DNER: variants seen among roughly 807,000 people sequenced by gnomAD.
DNER encodes delta/notch like EGF repeat containing, also known as delta and Notch-like epidermal growth factor-related receptor.
A neutral mutation model predicts 78.2 loss-of-function variants in DNER; 33 were observed. The ratio of observed to expected loss-of-function variants is 0.42; its 90% CI spans 0.32 to 0.56. The LOEUF (loss-of-function observed/expected upper bound fraction) is 0.56, where lower values mean the gene tolerates loss of function less well. Among genes scored for constraint, DNER ranks in the 20% least tolerant of loss-of-function variants. The pLI is 0.11. For missense variants in DNER, 918 were observed against 975.3 expected (o/e 0.94, Z 0.78); for synonymous variants, 417 against 384.8 (o/e 1.08, Z -0.98).
At chr2:229,513,021 C>T in intron 5 of DNER, 85 bp from the exon 6 acceptor site, 2 of 1,416,418 alleles carry the variant, frequency 1.4e-6, no homozygotes, top group South Asian at 2.8e-5. Flanking sequence ...TTTGAAAGAA[C>T]CACTTCCTTT....
At chr2:229,533,937 G>A (rs1046097771) in intron 5 of DNER, among the ~76,000 whole-genome samples, 1 of 152,220 alleles carries the variant, frequency 6.6e-6, no homozygotes, top group Non-Finnish European at 1.5e-5. Flanking sequence ...GACCAGAAGT[G>A]ACTTTTTTGA....
intron 5 of DNER, among the ~76,000 whole-genome samples, chr2:229,540,715 A>T (rs977964665): frequency 4.6e-5 from 7 of 152,196 alleles, no homozygotes; most frequent in Non-Finnish European, 1.0e-4. Context: ...ATGTCACAGA[A>T]GTCAGGACTC....
At chr2:229,532,219 G>A (rs186193279) in intron 5 of DNER, among the ~76,000 whole-genome samples, 10 of 152,002 alleles carry the variant, frequency 6.6e-5, no homozygotes, top group African/African-American at 1.4e-4. Context: ...GACATCACTC[G>A]CTCAGAAAAG....
intron 10 of DNER, 22 bp downstream of exon 10, chr2:229,407,210 C>G: frequency 6.3e-7 from 1 of 1,587,606 alleles, no homozygotes; most frequent in Non-Finnish European, 8.6e-7. Context: ...AATTTGAAAA[C>G]TCAGTCCCTG....
At chr2:229,604,638 T>G (rs1020749466) in intron 1 of DNER, among the ~76,000 whole-genome samples, 1 of 152,304 alleles carries the variant, frequency 6.6e-6, no homozygotes, top group South Asian at 2.1e-4. Context: ...TTGATGTGTG[T>G]TTTTCTCTCT....
chr2:229,540,985 G>A (rs111505158), intron 5 of DNER, among the ~76,000 whole-genome samples: 1 of 152,218 alleles, frequency 6.6e-6, no homozygotes, highest in African/African-American at 2.4e-5. Flanking sequence ...GAAAACTATG[G>A]GATTGTTATT....
At position 229,714,427 on chromosome 2, in the gene DNER, C is replaced by T; in HGVS notation, c.-4G>A. 1.8e-6 allele frequency: 2 copies of T among 1,138,406 alleles called. No homozygotes were observed. The highest frequency in any genetic ancestry group is 1.1e-6 in the Non-Finnish European group (1 of 931,236). The allele number at this position is 1,138,406 out of a possible 1,614,324, so 70.5% of individuals were successfully genotyped here. A position where few individuals can be genotyped will look rare whatever the true frequency, so the allele number is the denominator to read the frequency against. On this transcript the variant is annotated 5_prime_UTR_variant, in exon 1 of 13. Transcript: ENST00000341772. ...CCTGGGCGCGGCGGGGCTGCATGGC[C>T]GGCCGGGAGGGCGCGGGAGCCGGAG... is the stretch of plus-strand genomic sequence containing the variant.
chr2:229,602,934 G>A (rs1312576229), intron 1 of DNER, among the ~76,000 whole-genome samples: 1 of 152,180 alleles, frequency 6.6e-6, no homozygotes, highest in African/African-American at 2.4e-5. Context: ...GCTTGAATAA[G>A]AACAATGTGG....
intron 10 of DNER, among the ~76,000 whole-genome samples, chr2:229,391,996 T>A (rs1303225345): frequency 2.0e-5 from 3 of 152,104 alleles, no homozygotes; most frequent in Non-Finnish European, 4.4e-5. Flanking sequence ...CCATCCAAAG[T>A]CACCGCTGTT....
At chr2:229,485,671 G>A (rs1190232763) in intron 6 of DNER, among the ~76,000 whole-genome samples, 4 of 152,074 alleles carry the variant, frequency 2.6e-5, no homozygotes, top group African/African-American at 9.7e-5. Context: ...TAAATTACAT[G>A]AGGTGTAAGC....
intron 1 of DNER, among the ~76,000 whole-genome samples, chr2:229,703,754 G>C (rs1699786938): frequency 6.6e-6 from 1 of 152,228 alleles, no homozygotes; most frequent in South Asian, 2.1e-4. Flanking sequence ...GCACATGCCT[G>C]TAGTCCCAGC....
chr2:229,696,863 G>A (rs572575131), intron 1 of DNER, among the ~76,000 whole-genome samples: 1 of 152,312 alleles, frequency 6.6e-6, no homozygotes, highest in South Asian at 2.1e-4. Context: ...AGGAGAGGCT[G>A]CAAGTAACCA....
intron 1 of DNER, among the ~76,000 whole-genome samples, chr2:229,669,520 G>A (rs1699171892): frequency 6.6e-6 from 1 of 152,228 alleles, no homozygotes. Context: ...GCCATTTGCA[G>A]GATATTGATT....
chr2:229,617,548 CA>C (rs11302660), intron 1 of DNER, among the ~76,000 whole-genome samples: 31,788 of 151,360 alleles, frequency 0.21, 3,628 homozygotes, highest in Middle Eastern at 0.28. Flanking sequence ...TTCTAACACA[CA>C]AAAAAAAAGT....
chr2:229,505,538 G>A (rs1695720945), intron 6 of DNER, among the ~76,000 whole-genome samples: 1 of 152,150 alleles, frequency 6.6e-6, no homozygotes, highest in Non-Finnish European at 1.5e-5. Context: ...ACAGAGGCAG[G>A]GGTGACCTTT....
chr2:229,483,623 C>T (rs778423768), intron 6 of DNER, among the ~76,000 whole-genome samples: 1 of 152,152 alleles, frequency 6.6e-6, no homozygotes, highest in South Asian at 2.1e-4. Context: ...CACAAGGGAA[C>T]GCATACAAAA....
chr2:229,635,131 T>C (rs1698505476), intron 1 of DNER, among the ~76,000 whole-genome samples: 1 of 152,148 alleles, frequency 6.6e-6, no homozygotes, highest in South Asian at 2.1e-4. Context: ...CATTCTTCCA[T>C]GCTGCCCTGA....
intron 8 of DNER, among the ~76,000 whole-genome samples, chr2:229,443,377 C>T (rs1048788492): frequency 1.3e-5 from 2 of 152,184 alleles, no homozygotes; most frequent in African/African-American, 4.8e-5. Context: ...CCCACCCCAG[C>T]GAGTTCCACC....
intron 10 of DNER, among the ~76,000 whole-genome samples, chr2:229,406,221 C>T (rs1389825785): frequency 1.3e-5 from 2 of 152,118 alleles, no homozygotes; most frequent in Non-Finnish European, 2.9e-5. Context: ...GAGAGGTGGA[C>T]ACAGCAAGAT....
Sources: gnomAD v4.1 joint callset for allele counts (sites outside exome capture counted in the v4.1 genomes callset) on GRCh38, gnomAD v4.1.1 for gene constraint, MANE v1.5 for transcripts, NCBI Gene and HGNC (gene_info 2026-07-23, HGNC 2026-07-21) for gene names.